RNF19A: variants seen among roughly 807,000 people sequenced by gnomAD.
RNF19A encodes E3 ubiquitin-protein ligase RNF19A.
In RNF19A, 32 loss-of-function variants were observed where a neutral mutation model predicts 75.7. The observed-to-expected ratio is 0.42, with a 90% CI of 0.32 to 0.57. The LOEUF (loss-of-function observed/expected upper bound fraction) is 0.57. Among genes scored for constraint, RNF19A ranks in the 20% least tolerant of loss-of-function variants. The pLI is 0.10. For missense variants in RNF19A, 782 were observed against 1,036.3 expected, an observed-to-expected ratio of 0.75 and a Z score of 3.37; for synonymous variants, 335 against 345.2, an observed-to-expected ratio of 0.97 and a Z score of 0.33.
At position 100,324,100 on chromosome 8, in the gene RNF19A, T is replaced by G. The variant is rs998405889; in HGVS notation, c.-242-10728A>C. On this transcript the variant is annotated intron_variant, in intron 1 of 3. Transcript: ENST00000519527. This position sits in a 1 kb window ranked among gnomAD's most constrained non-coding sequence, Gnocchi z 4.2. Reference sequence around the variant, plus strand: ...ACAGAGCTGTGATTTTGAGATGACTTTGTTCAAAGAAAATTCCCACACACT... The same window carrying G: ...ACAGAGCTGTGATTTTGAGATGACTGTGTTCAAAGAAAATTCCCACACACT... 2.0e-5 allele frequency among the ~76,000 whole-genome samples: 3 copies of G among 152,226 alleles called. No homozygotes were observed. The highest frequency in any genetic ancestry group is 7.2e-5 in the African/African-American group (3 of 41,450).
chr8:100,302,271 A>T (rs773627654), intron 1 of RNF19A, among the ~76,000 whole-genome samples: 1 of 152,252 alleles, frequency 6.6e-6, no homozygotes, highest in Non-Finnish European at 1.5e-5. Context: ...CTACTGAAGT[A>T]ATCTATGAGA....
chr8:100,323,038 G>A lies in RNF19A; in HGVS notation c.-242-9666C>T, dbSNP rs753147057. 6.6e-6 allele frequency among the ~76,000 whole-genome samples: 1 copy of A among 152,066 alleles called. No individual in the cohort carries two copies. ...AGGCATGAAATGAGCACAGGCTGCCGAAAAATGTTGCCAATAGACTCGCTG... is the reference window on the plus strand; with the variant it reads ...AGGCATGAAATGAGCACAGGCTGCCAAAAAATGTTGCCAATAGACTCGCTG... On this transcript the variant is annotated intron_variant, in intron 1 of 3. Coordinates refer to the RNF19A transcript ENST00000519527. This position sits in a 1 kb window ranked among gnomAD's most constrained non-coding sequence, Gnocchi z 4.6.
At position 100,261,709 on chromosome 8, in the gene RNF19A, C is replaced by T; in HGVS notation, c.1515G>A (p.Glu505=). ...TGCCAGTCAGCCCACCAACACTTCCCTCCCCTATGCTTGGGTTGTGTCTTG... is the reference window on the plus strand; with the variant it reads ...TGCCAGTCAGCCCACCAACACTTCCTTCCCCTATGCTTGGGTTGTGTCTTG... The part of the protein sequence containing the change: ...AEARHNPSIG[E]GSVGGLTGSL... The change falls in exon 8 of 10, where the codon GAG becomes GAA. Residue 505 remains glutamate, a synonymous_variant. Transcript: ENST00000341084. This position sits in a 1 kb window ranked among gnomAD's most constrained non-coding sequence, Gnocchi z 4.4. 1 of 1,614,162 alleles carries T rather than the reference C, an allele frequency of 6.2e-7. No homozygotes were observed. Among genetic ancestry groups the T allele is most frequent in the Non-Finnish European group, 8.5e-7 (1 of 1,180,012 alleles).
Position 100,324,411 on chromosome 8 carries a change from G to A in RNF19A, c.-242-11039C>T, listed in dbSNP as rs1381929321. Among the ~76,000 whole-genome samples the A allele has an allele frequency of 1.3e-5, 2 of 152,126 alleles. No individual in the cohort carries two copies. The highest frequency in any genetic ancestry group is 1.9e-4 in the East Asian group (1 of 5,188). On this transcript the variant is annotated intron_variant, in intron 1 of 3. Coordinates refer to the RNF19A transcript ENST00000519527. This position sits in a 1 kb window ranked among gnomAD's most constrained non-coding sequence, Gnocchi z 4.2. ...TTTTGTTTCCACCTTAATATTTACT[G>A]ATTTATAGACCCAACAGGAAAACAA...
At chr8:100,315,615 C>T (rs1822361306) in intron 1 of RNF19A, among the ~76,000 whole-genome samples, 2 of 152,084 alleles carry the variant, frequency 1.3e-5, no homozygotes, top group Admixed American at 6.6e-5. Context: ...GTTTCTTTCC[C>T]AGCAGGGTCA....
At chr8:100,285,900 T>C (rs1421002721) in intron 2 of RNF19A, among the ~76,000 whole-genome samples, 2 of 152,154 alleles carry the variant, frequency 1.3e-5, no homozygotes, top group African/African-American at 2.4e-5. Flanking sequence ...ACTCTTTCTG[T>C]AGATGAAACA....
chr8:100,264,181 T>A lies in RNF19A; in HGVS notation c.1321A>T (p.Ile441Phe). The change falls in exon 7 of 10, where the codon ATT becomes TTT. Residue 441 changes from isoleucine to phenylalanine, a missense_variant. This residue lies in a region of RNF19A where 442 missense variants were observed against 541.6 expected (regional missense o/e 0.82). Transcript: ENST00000341084. This position sits in a 1 kb window ranked among gnomAD's most constrained non-coding sequence, Gnocchi z 4.7. ...AAVTVGIGVP[I>F]MLAYVYGVVP... The stretch of plus-strand genomic sequence containing the variant: ...ACGCCATAGACATAAGCTAACATAA[T>A]AGGAACACCGATACCTAAAGAGAAA... The A allele has an allele frequency of 6.2e-7, 1 of 1,610,898 alleles. No individual in the cohort carries two copies. Among genetic ancestry groups the A allele is most frequent in the Non-Finnish European group, 8.5e-7 (1 of 1,178,560 alleles).
intron 1 of RNF19A, among the ~76,000 whole-genome samples, chr8:100,334,084 T>C (rs1822644674): frequency 6.6e-6 from 1 of 152,232 alleles, no homozygotes; most frequent in Non-Finnish European, 1.5e-5. Context: ...ACTGTGCTTG[T>C]AATGCACTTC....
At position 100,325,148 on chromosome 8, in the gene RNF19A, T is replaced by A. The variant is rs1236363492; in HGVS notation, c.-243+10960A>T. Reference sequence around the variant, plus strand: ...GTCTCGAACTCCTGACCTCAGGTGATCCACCTGCCCTGGCCTCCCAAAGTC... The same window carrying A: ...GTCTCGAACTCCTGACCTCAGGTGAACCACCTGCCCTGGCCTCCCAAAGTC... On this transcript the variant is annotated intron_variant, in intron 1 of 3. Transcript: ENST00000519527. This position sits in a 1 kb window ranked among gnomAD's most constrained non-coding sequence, Gnocchi z 4.3. Among the ~76,000 whole-genome samples the A allele has an allele frequency of 6.6e-6, 1 of 152,186 alleles. No homozygotes were observed. Among genetic ancestry groups the A allele is most frequent in the Non-Finnish European group, 1.5e-5 (1 of 68,046 alleles).
chr8:100,328,288 C>A (rs749713857), intron 1 of RNF19A, among the ~76,000 whole-genome samples: 31 of 152,072 alleles, frequency 2.0e-4, no homozygotes, highest in Non-Finnish European at 3.8e-4. Flanking sequence ...GGGGCTGAGA[C>A]TCATTGAGTC....
rs117888926 is a variant in RNF19A at position 100,278,436 on chromosome 8, C to T, written c.675-3275G>A. On this transcript the variant is annotated intron_variant, in intron 2 of 9. Transcript: ENST00000341084. ...AACATTTTACTGGATAACTGAGTCA[C>T]TTAAGTATAAATGTCCAGTATGTTG... 8.0e-3 allele frequency among the ~76,000 whole-genome samples: 1,216 copies of T among 152,256 alleles called. 8 individuals are homozygous for T. Among genetic ancestry groups the T allele is most frequent in the Non-Finnish European group, 0.011 (770 of 68,010 alleles).
chr8:100,276,647 T>C (rs1046252594), intron 2 of RNF19A, among the ~76,000 whole-genome samples: 36 of 147,788 alleles, frequency 2.4e-4, no homozygotes, highest in African/African-American at 7.8e-4. Context: ...CCCAGCTACT[T>C]GGGTGGCTGA....
rs1392087959 is a variant in RNF19A at position 100,269,329 on chromosome 8, TA to T, written c.1029-383del. 6.6e-6 allele frequency among the ~76,000 whole-genome samples: 1 copy of T among 151,666 alleles called. No individual in the cohort carries two copies. The highest frequency in any genetic ancestry group is 6.6e-5 in the Admixed American group (1 of 15,220). ...CTGATTATATCACAAACTCACTCTG[TA>T]GCCTAAACGATAAAATTTATGTATG... On this transcript the variant is annotated intron_variant, in intron 4 of 9. Transcript: ENST00000341084. The surrounding 1 kb of genome is among the most constrained non-coding windows in gnomAD (Gnocchi z 5.7).
intron 5 of RNF19A, among the ~76,000 whole-genome samples, chr8:100,267,374 CTTTT>C: frequency 6.6e-6 from 1 of 151,876 alleles, no homozygotes; most frequent in East Asian, 1.9e-4. Context: ...CCTTTAGATC[CTTTT>C]TTTATTTTAG....
At chr8:100,262,240 T>C (rs1819752266) in intron 7 of RNF19A, among the ~76,000 whole-genome samples, 1 of 152,182 alleles carries the variant, frequency 6.6e-6, no homozygotes, top group South Asian at 2.1e-4. Flanking sequence ...GTTCCTATTA[T>C]ATACCCAATC....
At chr8:100,302,784 G>T (rs964632519) in intron 1 of RNF19A, among the ~76,000 whole-genome samples, 4 of 152,126 alleles carry the variant, frequency 2.6e-5, no homozygotes, top group African/African-American at 9.7e-5. Context: ...AAACCTGTTG[G>T]TCTATCCTAC....
At position 100,258,745 on chromosome 8, in the gene RNF19A, G is replaced by C; in HGVS notation, c.2328C>G (p.Ser776Arg). 6.2e-7 allele frequency: 1 copy of C among 1,614,198 alleles called. No homozygotes were observed. The highest frequency in any genetic ancestry group is 8.5e-7 in the Non-Finnish European group (1 of 1,180,038). Residue 776 changes from serine (S) to arginine (R), a missense_variant, in exon 10 of 10, where the codon AGC becomes AGG. This residue lies in a region of RNF19A where 442 missense variants were observed against 541.6 expected (regional missense o/e 0.82). Transcript: ENST00000341084. This position sits in a 1 kb window ranked among gnomAD's most constrained non-coding sequence, Gnocchi z 4.3. ...DRLENSPHQC[S>R]ISVVTQTASC... ...AAGCAGTTTGGGTAACCACAGAAAT[G>C]CTACACTGATGTGGGGAATTTTCCA... is the stretch of plus-strand genomic sequence containing the variant.
Position 100,324,687 on chromosome 8 carries a change from C to T in RNF19A, c.-242-11315G>A, listed in dbSNP as rs1323431863. ...TGAGAAACCTAAATATGAATCTACG[C>T]GTTTGCTTCAAGAAAATTCAAAATA... is the stretch of plus-strand genomic sequence containing the variant. On this transcript the variant is annotated intron_variant, in intron 1 of 3. Transcript: ENST00000519527. The surrounding 1 kb of genome is among the most constrained non-coding windows in gnomAD (Gnocchi z 4.2). Among the ~76,000 whole-genome samples, 8 of 152,066 alleles carry T rather than the reference C, an allele frequency of 5.3e-5. No individual in the cohort carries two copies. Among genetic ancestry groups the T allele is most frequent in the Admixed American group, 2.0e-4 (3 of 15,268 alleles).
At chr8:100,295,216 T>G (rs1039974841) in intron 1 of RNF19A, among the ~76,000 whole-genome samples, 5 of 152,236 alleles carry the variant, frequency 3.3e-5, no homozygotes, top group African/African-American at 9.6e-5. Flanking sequence ...AAAATTGATT[T>G]TTATTTGGAC....
Sources: allele counts gnomAD v4.1 joint callset (sites outside exome capture counted in the v4.1 genomes callset), GRCh38; gene constraint gnomAD v4.1.1; regional missense constraint gnomAD v4.1.1; non-coding constraint Gnocchi (gnomAD v3.1); transcripts MANE v1.5; gene names NCBI Gene and HGNC (gene_info 2026-07-23, HGNC 2026-07-21).